The following NAPG variants were observed in gnomAD, a reference collection of about 807,000 sequenced individuals.
NAPG encodes the protein NSF attachment protein gamma.
NAPG carries 25 observed loss-of-function variants against 48.4 expected under a neutral mutation model. The ratio of observed to expected loss-of-function variants is 0.52; its 90% confidence interval spans 0.38 to 0.72. The LOEUF (loss-of-function observed/expected upper bound fraction) is 0.72. Among genes scored for constraint, NAPG ranks in the 30% least tolerant of loss-of-function variants. The probability of loss-of-function intolerance (pLI) is 0.00; values close to 1 mark genes in which losing one functional copy is unlikely to be tolerated. For synonymous variants in NAPG, 139 were observed against 127.2 expected (o/e 1.09, Z -0.62); for missense variants, 359 against 372.5 (o/e 0.96, Z 0.30).
chr18:10,535,528 A>G (rs560242411), intron 5 of NAPG, among the ~76,000 whole-genome samples: 2 of 152,252 alleles, frequency 1.3e-5, no homozygotes, highest in Non-Finnish European at 2.9e-5. Flanking sequence ...TGGGAGGCCA[A>G]CGTGGGTGGA....
chr18:10,533,466 A>G, intron 3 of NAPG, 70 bp from the exon 4 acceptor site: 2 of 1,385,112 alleles, frequency 1.4e-6, no homozygotes, highest in South Asian at 1.3e-5. Flanking sequence ...CTGTCTTTAA[A>G]TAGTTGATCT....
intron 2 of NAPG, among the ~76,000 whole-genome samples, chr18:10,531,123 C>T (rs1266912487): frequency 6.6e-6 from 1 of 152,090 alleles, no homozygotes; most frequent in African/African-American, 2.4e-5. Flanking sequence ...TCTTTAACTC[C>T]AGTTATTTGA....
At chr18:10,541,863 C>T (rs893906377) in intron 8 of NAPG, among the ~76,000 whole-genome samples, 4 of 152,214 alleles carry the variant, frequency 2.6e-5, no homozygotes, top group Admixed American at 6.5e-5. Flanking sequence ...CCTTTTGTTT[C>T]TCAAGGTATA....
At chr18:10,545,162 A>T (rs1161861817) in intron 8 of NAPG, among the ~76,000 whole-genome samples, 1 of 152,042 alleles carries the variant, frequency 6.6e-6, no homozygotes, top group Non-Finnish European at 1.5e-5. Flanking sequence ...AAATACAGAA[A>T]TTAGCTGGGC....
rs142515156 is a variant in NAPG at position 10,529,475 on chromosome 18, T to A, written c.57-1295T>A. Among the ~76,000 whole-genome samples, 705 of 152,332 alleles carry A rather than the reference T, an allele frequency of 4.6e-3. 5 individuals are homozygous for A. The highest frequency in any genetic ancestry group is 0.016 in the African/African-American group (677 of 41,574). On this transcript the variant is annotated intron_variant, in intron 1 of 11. Transcript: ENST00000322897. ...GGCAAAAAATGTTACTGTAGCTGGCTGGGTACAGTGGCTCATGCCGGTAAT... is the reference window on the plus strand; with the variant it reads ...GGCAAAAAATGTTACTGTAGCTGGCAGGGTACAGTGGCTCATGCCGGTAAT...
Position 10,548,239 on chromosome 18 carries a change from C to G in NAPG, c.586-60C>G. On this transcript the variant is annotated intron_variant, in intron 9 of 11. Coordinates refer to ENST00000322897, the MANE Select transcript of NAPG (RefSeq NM_003826.3). This position sits in a 1 kb window ranked among gnomAD's most constrained non-coding sequence, Gnocchi z 4.4. ...AAACTCCAGGTGTTTTCAATACTGCCAGGTTATTGACTTTATTAAACAGAT... is the reference window on the plus strand; with the variant it reads ...AAACTCCAGGTGTTTTCAATACTGCGAGGTTATTGACTTTATTAAACAGAT... 1 of 1,240,160 alleles carries G rather than the reference C, an allele frequency of 8.1e-7. No individual in the cohort carries two copies. Among genetic ancestry groups the G allele is most frequent in the Non-Finnish European group, 1.2e-6 (1 of 844,086 alleles). The allele number at this position is 1,240,160 out of a possible 1,614,324, so 76.8% of individuals were successfully genotyped here.
rs1199151866 is a variant in NAPG, at chr18:10,550,535, G to C, written c.*315G>C. 4.7e-6 allele frequency: 1 copy of C among 213,852 alleles called. No individual in the cohort carries two copies. The highest frequency in any genetic ancestry group is 9.2e-6 in the Non-Finnish European group (1 of 108,418). The allele number at this position is 213,852 out of a possible 1,614,324, so 13.2% of individuals were successfully genotyped here. A position where few individuals can be genotyped will look rare whatever the true frequency, so the allele number is the denominator to read the frequency against. On this transcript the variant is annotated 3_prime_UTR_variant, in exon 12 of 12. Coordinates refer to ENST00000322897, the MANE Select transcript of NAPG (RefSeq NM_003826.3). ...ACATAAATTATGTTCTAAACAAAAGGGGTAATAAGCATAGGTATTCTCTCT... is the reference window on the plus strand; with the variant it reads ...ACATAAATTATGTTCTAAACAAAAGCGGTAATAAGCATAGGTATTCTCTCT...
At chr18:10,530,273 C>G (rs1290010812) in intron 1 of NAPG, among the ~76,000 whole-genome samples, 1 of 130,784 alleles carries the variant, frequency 7.6e-6, no homozygotes, top group African/African-American at 2.8e-5. Flanking sequence ...TTTCTGTTCT[C>G]TCTCTGCAGT....
rs771944876 is a variant in NAPG at position 10,550,090 on chromosome 18, G to A, written c.809G>A (p.Gly270Asp). 1 of 1,565,564 alleles carries A rather than the reference G, an allele frequency of 6.4e-7. No homozygotes were observed. The highest frequency in any genetic ancestry group is 2.5e-5 in the East Asian group (1 of 40,720). The change falls in exon 12 of 12, where the codon GGC (glycine) becomes GAC (aspartate). Residue 270 changes from glycine to aspartate, a missense_variant. Transcript: ENST00000322897. ...TGTTGTTGACAGTATGCTAAGCTGG[G>A]CCTGAGTTTGGTGGTTCCAGGAGGG... ...KYMDNDYAKLGLSLVVPGGGI... is the reference protein window; with the variant it reads ...KYMDNDYAKLDLSLVVPGGGI...
Position 10,552,599 on chromosome 18 carries a change from G to A in NAPG, c.*2379G>A, listed in dbSNP as rs1315339634. On this transcript the variant is annotated 3_prime_UTR_variant, in exon 12 of 12. Transcript: ENST00000322897. ...AGCTACAAAATAGATTTAATATATT[G>A]AATTTATTTGTACATATGCAGAGTA... 6.6e-6 allele frequency: 1 copy of A among 152,130 alleles called. No individual in the cohort carries two copies. The highest frequency in any genetic ancestry group is 1.5e-5 in the Non-Finnish European group (1 of 68,020). 9.4% of individuals were successfully genotyped at this position (152,130 alleles called of 1,614,324 possible).
chr18:10,530,635 G>A (rs79571208), intron 1 of NAPG, 135 bp from the exon 2 acceptor site: 9,675 of 499,970 alleles, frequency 0.019, 577 homozygotes, highest in African/African-American at 0.14. Context: ...GATGGAGGCG[G>A]GTGACACAGA....
chr18:10,549,323 CTG>C (rs149197162), intron 11 of NAPG, among the ~76,000 whole-genome samples: 3,844 of 152,264 alleles, frequency 0.025, 167 homozygotes, highest in African/African-American at 0.087. Flanking sequence ...CCATCTAACT[CTG>C]TTGACCATAT....
At chr18:10,540,483 T>C (rs2032132482) in intron 8 of NAPG, 84 bp downstream of exon 8, 2 of 1,195,072 alleles carry the variant, frequency 1.7e-6, no homozygotes, top group East Asian at 4.7e-5. Flanking sequence ...GGGGATAGCT[T>C]GTTAATTTTT....
chr18:10,550,042 AT>A (rs760497182), intron 11 of NAPG, 34 bp from the exon 12 acceptor site: 3 of 1,496,122 alleles, frequency 2.0e-6, no homozygotes, highest in Non-Finnish European at 2.7e-6. Flanking sequence ...GATTCTAGTT[AT>A]CCAGCTTTTA....
At chr18:10,540,086 A>T (rs1038454728) in intron 7 of NAPG, 32 bp downstream of exon 7, 1 of 1,483,864 alleles carries the variant, frequency 6.7e-7, no homozygotes, top group Non-Finnish European at 9.1e-7. Flanking sequence ...TTCTTTAATT[A>T]CTTAGAATGT....
rs2032362851 is a variant in NAPG, at chr18:10,550,346, C to CTA, written c.*127_*128dup. 1 of 1,062,484 alleles carries CTA rather than the reference C, an allele frequency of 9.4e-7. No homozygotes were observed. Among genetic ancestry groups the CTA allele is most frequent in the Non-Finnish European group, 1.3e-6 (1 of 775,146 alleles). 65.8% of individuals were successfully genotyped at this position (1,062,484 alleles called of 1,614,324 possible). ...TCATGATTTTGGATCCTAATAAAGA[C>CTA]TAGTTTTTAGTTACCATCTTCCCAA... On this transcript the variant is annotated 3_prime_UTR_variant, in exon 12 of 12. Coordinates refer to ENST00000322897, the MANE Select transcript of NAPG (RefSeq NM_003826.3).
At chr18:10,526,637 G>A (rs1279903730) in intron 1 of NAPG, 1 of 159,794 alleles carries the variant, frequency 6.3e-6, no homozygotes, top group Non-Finnish European at 1.4e-5. Context: ...CCCCCTGTGT[G>A]GAGGGGACCA....
intron 5 of NAPG, among the ~76,000 whole-genome samples, chr18:10,535,263 G>A (rs1395407502): frequency 6.6e-6 from 1 of 151,952 alleles, no homozygotes; most frequent in Non-Finnish European, 1.5e-5. Context: ...TTTTTTTAGT[G>A]AACACATGCT....
chr18:10,549,257 A>G (rs1423312123), intron 11 of NAPG, among the ~76,000 whole-genome samples, 161 bp downstream of exon 11: 1 of 152,200 alleles, frequency 6.6e-6, no homozygotes, highest in Non-Finnish European at 1.5e-5. Flanking sequence ...ATTGAATTTC[A>G]CCATAGATTT....
Sources: gnomAD v4.1 joint callset for allele counts (sites outside exome capture counted in the v4.1 genomes callset) on GRCh38, gnomAD v4.1.1 for gene constraint, Gnocchi (gnomAD v3.1) non-coding constraint, MANE v1.5 for transcripts, NCBI Gene and HGNC (gene_info 2026-07-23, HGNC 2026-07-21) for gene names.